TFEC: variants seen among roughly 807,000 people sequenced by gnomAD.
The protein encoded by TFEC is class E basic helix-loop-helix protein 34.
A neutral mutation model predicts 41.6 loss-of-function variants in TFEC; 31 were observed. The ratio of observed to expected loss-of-function variants is 0.74; its 90% CI spans 0.56 to 1.01. The LOEUF (loss-of-function observed/expected upper bound fraction) is 1.01. Ranked by LOEUF, TFEC falls within the 50% of genes least tolerant of loss-of-function variation. TFEC has a pLI of 0.00. For synonymous variants in TFEC, 143 were observed against 140.6 expected (o/e 1.02, Z -0.12); for missense variants, 402 against 404.1 (o/e 0.99, Z 0.04).
At chr7:116,084,938 C>T (rs542434587) in intron 3 of TFEC, among the ~76,000 whole-genome samples, 26 of 151,958 alleles carry the variant, frequency 1.7e-4, no homozygotes, top group African/African-American at 5.8e-4. Context: ...CTGTGACTAA[C>T]GTGTGCATTT....
rs200415250 is a variant in TFEC, at chr7:115,980,778, CA to C, written c.180+3483del. ...CAAAAACAAAACAAAACAAAAAAAA[CA>C]AAAAAAAACAAAAACAAAAAAAGGA... is the stretch of plus-strand genomic sequence containing the variant. On this transcript the variant is annotated intron_variant, in intron 2 of 7. Transcript: ENST00000265440. 3.5e-5 allele frequency among the ~76,000 whole-genome samples: 5 copies of C among 144,412 alleles called. No homozygotes were observed. The East Asian group carries it at 6.3e-4, about 18-fold the overall frequency. 94.7% of individuals were successfully genotyped at this position (144,412 alleles called of 152,430 possible). A position where few individuals can be genotyped will look rare whatever the true frequency, so the allele number is the denominator to read the frequency against.
At chr7:115,991,702 C>T (rs938161096) in intron 1 of TFEC, among the ~76,000 whole-genome samples, 5 of 152,158 alleles carry the variant, frequency 3.3e-5, no homozygotes, top group African/African-American at 1.2e-4. Context: ...GCACCCAATA[C>T]AAGAGCACCC....
At chr7:116,046,355 G>A (rs1043461243) in intron 3 of TFEC, among the ~76,000 whole-genome samples, 3 of 152,116 alleles carry the variant, frequency 2.0e-5, no homozygotes, top group Non-Finnish European at 2.9e-5. Context: ...AATGGGTGAC[G>A]GTTTTCCTGT....
rs182788332 is a variant in TFEC at position 115,956,296 on chromosome 7, T to A, written c.382+383A>T. ...TTTATCAAATTCTGCATACAAAGAA[T>A]AGACTAATTTCTCTAATTTATTATT... On this transcript the variant is annotated intron_variant, in intron 4 of 7. Transcript: ENST00000265440. Among the ~76,000 whole-genome samples the A allele has an allele frequency of 2.4e-3, 358 of 150,024 alleles. 1 individual carries two copies. Among genetic ancestry groups the A allele is most frequent in the African/African-American group, 8.1e-3 (333 of 41,112 alleles).
chr7:116,114,202 G>T (rs1167076340), intron 1 of TFEC, among the ~76,000 whole-genome samples: 2 of 151,966 alleles, frequency 1.3e-5, no homozygotes, highest in African/African-American at 4.8e-5. Flanking sequence ...TGATAAGCTA[G>T]AATGATGGGT....
At chr7:116,154,365 G>GTA (rs1798825809) in intron 1 of TFEC, among the ~76,000 whole-genome samples, 1 of 151,966 alleles carries the variant, frequency 6.6e-6, no homozygotes, top group Non-Finnish European at 1.5e-5. Flanking sequence ...CTATCTCCTG[G>GTA]TATATCACTG....
chr7:116,120,935 C>G, intron 1 of TFEC, among the ~76,000 whole-genome samples: 1 of 151,764 alleles, frequency 6.6e-6, no homozygotes, highest in East Asian at 1.9e-4. Flanking sequence ...TATAAAAAAC[C>G]CTACCTAATA....
chr7:115,987,067 T>G (rs894949494), intron 1 of TFEC, among the ~76,000 whole-genome samples: 1 of 152,188 alleles, frequency 6.6e-6, no homozygotes, highest in African/African-American at 2.4e-5. Context: ...CAGGCCACTC[T>G]ATACAGAGTC....
In TFEC at chr7:116,146,402, T is replaced by C. The variant is rs142159483; in HGVS notation, c.-69+13388A>G. 2.0e-5 allele frequency among the ~76,000 whole-genome samples: 3 copies of C among 152,318 alleles called. No homozygotes were observed. The East Asian group carries it at 5.8e-4, about 29-fold the overall frequency. On this transcript the variant is annotated intron_variant, in intron 1 of 8. Transcript: ENST00000484212. ...AAGAAATATCCCTGTTTAGTGTCTA[T>C]GGAGATACCTGCCTATTGCAGCTTT...
chr7:116,123,658 C>T (rs1798153570), intron 1 of TFEC, among the ~76,000 whole-genome samples: 1 of 152,040 alleles, frequency 6.6e-6, no homozygotes, highest in Admixed American at 6.6e-5. Flanking sequence ...GATGCTTCAC[C>T]ACACTCAAAT....
Position 116,124,026 on chromosome 7 carries a change from A to G in TFEC, c.-68-11988T>C, listed in dbSNP as rs187557099. The stretch of plus-strand genomic sequence containing the variant: ...TTGTCTATGGGTAAGTGACAAGGAA[A>G]GAAGAAGGAGAGTACAGAGTGGGGA... On this transcript the variant is annotated intron_variant, in intron 1 of 8. Transcript: ENST00000484212. Among the ~76,000 whole-genome samples the G allele has an allele frequency of 1.4e-4, 22 of 152,274 alleles. No individual in the cohort carries two copies. In the East Asian group the frequency reaches 3.7e-3, roughly 25 times the overall value.
intron 1 of TFEC, among the ~76,000 whole-genome samples, chr7:115,997,747 A>G (rs576619133): frequency 6.6e-6 from 1 of 152,184 alleles, no homozygotes; most frequent in Non-Finnish European, 1.5e-5. Flanking sequence ...ATGTAAATTT[A>G]ACAAAGAGAT....
intron 1 of TFEC, among the ~76,000 whole-genome samples, chr7:116,003,685 C>A (rs974518562): frequency 2.0e-5 from 3 of 152,088 alleles, no homozygotes; most frequent in Non-Finnish European, 2.9e-5. Flanking sequence ...ACAGGATACA[C>A]ATTTTTCTCA....
Position 115,938,900 on chromosome 7 carries a change from C to T in TFEC, c.*1651G>A, listed in dbSNP as rs1793355439. 6.6e-6 allele frequency: 1 copy of T among 151,940 alleles called. No homozygotes were observed. Among genetic ancestry groups the T allele is most frequent in the Non-Finnish European group, 1.5e-5 (1 of 67,924 alleles). The allele number at this position is 151,940 out of a possible 1,614,324, so 9.4% of individuals were successfully genotyped here. A position where few individuals can be genotyped will look rare whatever the true frequency, so the allele number is the denominator to read the frequency against. ...TTATGCTTCAGAACTCCCCAACAGA[C>T]ATCTTCTAGGGCATCCAGATCTTTC... On this transcript the variant is annotated 3_prime_UTR_variant, in exon 8 of 8. Coordinates refer to ENST00000265440, the MANE Select transcript of TFEC (RefSeq NM_012252.4).
intron 1 of TFEC, among the ~76,000 whole-genome samples, chr7:116,124,050 G>A (rs1212806391): frequency 6.6e-6 from 1 of 152,114 alleles, no homozygotes; most frequent in Non-Finnish European, 1.5e-5. Flanking sequence ...ACAGAGTGGG[G>A]AAAGATTGCT....
rs73218447 is a variant in TFEC, at chr7:116,011,286, T to C, written c.-73+19347A>G. Among the ~76,000 whole-genome samples, 453 of 152,288 alleles carry C rather than the reference T, an allele frequency of 3.0e-3. 1 individual carries two copies. Among genetic ancestry groups the C allele is most frequent in the Admixed American group, 7.2e-3 (110 of 15,296 alleles). ...CACATTTTGCACCTCTTTTTGCTTA[T>C]TGAGTAAATAGCACGTGGAAAAGAC... On this transcript the variant is annotated intron_variant, in intron 1 of 7. Transcript: ENST00000265440.
At chr7:116,097,022 G>A (rs555382422) in intron 3 of TFEC, among the ~76,000 whole-genome samples, 3 of 151,810 alleles carry the variant, frequency 2.0e-5, no homozygotes, top group Admixed American at 6.6e-5. Flanking sequence ...CCAGGGAGTC[G>A]GAGGTTGCAG....
chr7:116,145,859 C>T (rs1027295090), intron 1 of TFEC, among the ~76,000 whole-genome samples: 1 of 152,276 alleles, frequency 6.6e-6, no homozygotes, highest in Admixed American at 6.5e-5. Context: ...ACCCCTATAA[C>T]AACCAATAAA....
chr7:116,131,083 C>G (rs563708008), intron 1 of TFEC, among the ~76,000 whole-genome samples: 1 of 152,212 alleles, frequency 6.6e-6, no homozygotes, highest in South Asian at 2.1e-4. Context: ...ATATTTGGTA[C>G]GTTTAAGACC....
Sources: allele counts gnomAD v4.1 joint callset (sites outside exome capture counted in the v4.1 genomes callset), GRCh38; gene constraint gnomAD v4.1.1; transcripts MANE v1.5; gene names NCBI Gene and HGNC (gene_info 2026-07-23, HGNC 2026-07-21).